The following RNF182 variants were observed in gnomAD, a reference collection of about 807,000 sequenced individuals.
RNF182 encodes the protein ring finger protein 182, also known as E3 ubiquitin-protein ligase RNF182.
A neutral mutation model predicts 14.4 loss-of-function variants in RNF182; 15 were observed. That is an observed-to-expected ratio of 1.04 (90% CI 0.70 to 1.60). RNF182 has a LOEUF of 1.60. Among genes scored for constraint, RNF182 ranks in the 40% most tolerant of loss-of-function variants. The probability of loss-of-function intolerance (pLI) is 0.00; values close to 1 mark genes in which losing one functional copy is unlikely to be tolerated. For missense variants in RNF182, 268 were observed against 294.8 expected (o/e 0.91, Z 0.67); for synonymous variants, 128 against 122.9 (o/e 1.04, Z -0.27).
intron 1 of RNF182, among the ~76,000 whole-genome samples, chr6:13,932,295 A>G (rs1758992583): frequency 6.6e-6 from 1 of 152,232 alleles, no homozygotes; most frequent in Admixed American, 6.5e-5. Flanking sequence ...AGGTAGAAAC[A>G]AAAATCTAAT....
chr6:13,936,401 A>G (rs1339640085), intron 1 of RNF182, among the ~76,000 whole-genome samples: 1 of 152,260 alleles, frequency 6.6e-6, no homozygotes, highest in Non-Finnish European at 1.5e-5. Flanking sequence ...AGAACTCAGG[A>G]TAATATCTCT....
intron 1 of RNF182, among the ~76,000 whole-genome samples, chr6:13,954,863 T>C (rs1585040205): frequency 6.6e-6 from 1 of 152,144 alleles, no homozygotes; most frequent in East Asian, 1.9e-4. Flanking sequence ...TGATCATATT[T>C]TCAGATTTTT....
intron 1 of RNF182, among the ~76,000 whole-genome samples, chr6:13,955,715 C>G (rs1464210125): frequency 6.6e-6 from 1 of 152,080 alleles, no homozygotes; most frequent in Non-Finnish European, 1.5e-5. Flanking sequence ...TATGAGTGGT[C>G]TCTGTCTGCA....
intron 1 of RNF182, among the ~76,000 whole-genome samples, chr6:13,972,707 A>T (rs1760221899): frequency 6.6e-6 from 1 of 152,200 alleles, no homozygotes; most frequent in African/African-American, 2.4e-5. Flanking sequence ...CTGTGGGTGC[A>T]CAGAAGTCGA....
chr6:13,968,149 ATTAG>A (rs1346291374), intron 1 of RNF182, among the ~76,000 whole-genome samples: 7 of 152,362 alleles, frequency 4.6e-5, no homozygotes, highest in East Asian at 1.9e-4. Flanking sequence ...AAATACATAT[ATTAG>A]TTGGTCTTTG....
chr6:13,975,982 A>G (rs1039180128), intron 2 of RNF182, among the ~76,000 whole-genome samples: 20 of 152,328 alleles, frequency 1.3e-4, no homozygotes, highest in South Asian at 6.2e-4. Flanking sequence ...ACCTTCAACC[A>G]TTTGTCCAAA....
rs189297119 is a variant in RNF182 at position 13,929,409 on chromosome 6, G to C, written c.-367+4386G>C. ...ATGTGTTGGGCACAGTTATACTGAA[G>C]AATTGTTGTTTATTCAAACTCTTGA... On this transcript the variant is annotated intron_variant, in intron 1 of 2. Transcript: ENST00000488300. 7.8e-4 allele frequency among the ~76,000 whole-genome samples: 119 copies of C among 152,296 alleles called. 1 individual carries two copies. The highest frequency in any genetic ancestry group is 3.9e-4 in the Admixed American group (6 of 15,300).
At chr6:13,961,264 G>T (rs976354303) in intron 1 of RNF182, among the ~76,000 whole-genome samples, 1 of 152,168 alleles carries the variant, frequency 6.6e-6, no homozygotes. Flanking sequence ...AATTTAGAAT[G>T]CTGAAGTACC....
At chr6:13,938,654 A>G (rs191500043) in intron 1 of RNF182, among the ~76,000 whole-genome samples, 27 of 152,282 alleles carry the variant, frequency 1.8e-4, no homozygotes, top group Non-Finnish European at 1.3e-4. Flanking sequence ...AATGATTTTT[A>G]TCTATGTAAA....
At chr6:13,950,714 C>G (rs1327527222) in intron 1 of RNF182, among the ~76,000 whole-genome samples, 1 of 151,918 alleles carries the variant, frequency 6.6e-6, no homozygotes, top group East Asian at 1.9e-4. Flanking sequence ...CCAGGCTGGT[C>G]TTGAACTCCT....
intron 1 of RNF182, among the ~76,000 whole-genome samples, chr6:13,959,652 C>T (rs114218548): frequency 0.011 from 1,638 of 152,186 alleles, 37 homozygotes; most frequent in African/African-American, 0.038. Flanking sequence ...ATGGATTGGA[C>T]ATGAGGAGTG....
intron 1 of RNF182, among the ~76,000 whole-genome samples, chr6:13,928,861 G>C (rs1280760029): frequency 6.6e-6 from 1 of 152,100 alleles, no homozygotes; most frequent in Non-Finnish European, 1.5e-5. Context: ...TGCAGGGGTG[G>C]GGGTGCGGTG....
rs780225544 is a variant in RNF182 at position 13,977,619 on chromosome 6, A to G, written c.500A>G (p.Asn167Ser). The change falls in exon 3 of 3, where the codon AAC becomes AGC. Residue 167 changes from asparagine (N) to serine (S), a missense_variant. Asn to Ser is a conservative substitution (Grantham distance 46). Transcript: ENST00000488300. ...SFDSVTTVSH[N>S]WTVWNCTSLL... Reference sequence around the variant, plus strand: ...GACTCTGTCACCACTGTGTCACACAACTGGACTGTGTGGAACTGCACGTCC... The same window carrying G: ...GACTCTGTCACCACTGTGTCACACAGCTGGACTGTGTGGAACTGCACGTCC... 4.3e-6 allele frequency: 7 copies of G among 1,614,076 alleles called. No individual in the cohort carries two copies. The African/African-American group carries it at 5.3e-5, about 12-fold the overall frequency.
chr6:13,959,898 C>G (rs997092345), intron 1 of RNF182, among the ~76,000 whole-genome samples: 3 of 152,050 alleles, frequency 2.0e-5, no homozygotes, highest in African/African-American at 7.2e-5. Context: ...AACTGGGGGG[C>G]AGTCATCATG....
rs189344261 is a variant in RNF182, at chr6:13,934,285, C to T, written c.-367+9262C>T. ...ACCCTGTCTCTTATTGTTATGGAGT[C>T]TCCTGTTGTTATGATGACTATACAG... On this transcript the variant is annotated intron_variant, in intron 1 of 2. Coordinates refer to ENST00000488300, the MANE Select transcript of RNF182 (RefSeq NM_152737.4). Among the ~76,000 whole-genome samples the T allele has an allele frequency of 2.0e-5, 3 of 152,242 alleles. No homozygotes were observed. In the East Asian group the frequency reaches 5.8e-4, roughly 29 times the overall value.
intron 1 of RNF182, among the ~76,000 whole-genome samples, chr6:13,964,104 TTATC>T: frequency 6.6e-6 from 1 of 151,926 alleles, no homozygotes; most frequent in East Asian, 1.9e-4. Context: ...AAAAGAATCA[TTATC>T]TAACTAGTAT....
chr6:13,959,325 G>A (rs1759808438), intron 1 of RNF182, among the ~76,000 whole-genome samples: 1 of 152,224 alleles, frequency 6.6e-6, no homozygotes, highest in Non-Finnish European at 1.5e-5. Flanking sequence ...ATAAGTTCAA[G>A]ACAGGGTTGG....
At chr6:13,972,251 G>A (rs1760208103) in intron 1 of RNF182, among the ~76,000 whole-genome samples, 1 of 151,022 alleles carries the variant, frequency 6.6e-6, no homozygotes, top group Non-Finnish European at 1.5e-5. Flanking sequence ...CTTGCAGTGA[G>A]CTGAGATTGT....
chr6:13,943,573 C>A (rs1759353761), intron 1 of RNF182, among the ~76,000 whole-genome samples: 1 of 152,128 alleles, frequency 6.6e-6, no homozygotes, highest in South Asian at 2.1e-4. Flanking sequence ...CTATATTTTG[C>A]ATACATGCCT....
Sources: allele counts gnomAD v4.1 joint callset (sites outside exome capture counted in the v4.1 genomes callset), GRCh38; gene constraint gnomAD v4.1.1; transcripts MANE v1.5; gene names NCBI Gene and HGNC (gene_info 2026-07-23, HGNC 2026-07-21).